The following CD58 variants were observed in gnomAD, a reference collection of about 807,000 sequenced individuals.
The protein encoded by CD58 is lymphocyte function-associated antigen 3.
In CD58, 14 loss-of-function variants were observed where a neutral mutation model predicts 27.6. That is an observed-to-expected ratio of 0.51 (90% CI 0.34 to 0.79). The LOEUF (loss-of-function observed/expected upper bound fraction) is 0.79. Among genes scored for constraint, CD58 ranks in the 30% least tolerant of loss-of-function variants. CD58 has a pLI of 0.02. For missense variants in CD58, 268 were observed against 301.7 expected (o/e 0.89, Z 0.83); for synonymous variants, 117 against 103.8 (o/e 1.13, Z -0.77).
rs1489392283 is a variant in CD58 at position 116,534,572 on chromosome 1, AG to A, written c.628+1392del. Among the ~76,000 whole-genome samples the A allele has an allele frequency of 6.6e-6, 1 of 152,120 alleles. No homozygotes were observed. The highest frequency in any genetic ancestry group is 2.4e-5 in the African/African-American group (1 of 41,442). ...CGCAGAACAAAGCGACTTGACCTTC[AG>A]GGCAGTGGGCGGCAGGGCAGGGGCG... is the stretch of plus-strand genomic sequence containing the variant. On this transcript the variant is annotated intron_variant, in intron 3 of 5. Transcript: ENST00000369489. This position sits in a 1 kb window ranked among gnomAD's most constrained non-coding sequence, Gnocchi z 5.3.
At chr1:116,535,549 T>C (rs1046278425) in intron 3 of CD58, among the ~76,000 whole-genome samples, 1 of 151,298 alleles carries the variant, frequency 6.6e-6, no homozygotes, top group Non-Finnish European at 1.5e-5. Flanking sequence ...TGTTAAAAAT[T>C]GTAACTTGTT....
intron 1 of CD58, among the ~76,000 whole-genome samples, chr1:116,561,743 G>A (rs546149542): frequency 2.0e-5 from 3 of 152,288 alleles, no homozygotes; most frequent in African/African-American, 7.2e-5. Flanking sequence ...GATTCAGAGA[G>A]AATCAAAGTT....
At position 116,523,013 on chromosome 1, in the gene CD58, GA is replaced by G. The variant is rs1444255222; in HGVS notation, c.629-1031del. On this transcript the variant is annotated intron_variant, in intron 3 of 5. Transcript: ENST00000369489. The surrounding 1 kb of genome is among the most constrained non-coding windows in gnomAD (Gnocchi z 4.4). ...TATCTCATAGGGTAGTTGCATTTAA[GA>G]ACAGCTGTTATATACTGTCATTAAC... 6.6e-6 allele frequency among the ~76,000 whole-genome samples: 1 copy of G among 152,084 alleles called. No homozygotes were observed. Among genetic ancestry groups the G allele is most frequent in the Non-Finnish European group, 1.5e-5 (1 of 68,010 alleles).
At chr1:116,543,216 C>G (rs1174534706) in intron 2 of CD58, among the ~76,000 whole-genome samples, 1 of 152,022 alleles carries the variant, frequency 6.6e-6, no homozygotes, top group African/African-American at 2.4e-5. Flanking sequence ...TGAGTGACAA[C>G]AGCACTCAGG....
At chr1:116,545,470 C>T (rs939390218) in intron 1 of CD58, among the ~76,000 whole-genome samples, 12 of 152,040 alleles carry the variant, frequency 7.9e-5, no homozygotes, top group Non-Finnish European at 1.8e-4. Flanking sequence ...GACAGACAAG[C>T]GGACAGACTC....
rs2101177730 is a variant in CD58 at position 116,536,309 on chromosome 1, A to G, written c.365-81T>C. On this transcript the variant is annotated intron_variant, in intron 2 of 5. Transcript: ENST00000369489. This position sits in a 1 kb window ranked among gnomAD's most constrained non-coding sequence, Gnocchi z 5.4. ...TCTGCAAATTTATGAAGAGCTCGCA[A>G]CCTCCTTACAAGCTTGAAAGGATGA... 5.9e-6 allele frequency: 6 copies of G among 1,019,942 alleles called. No homozygotes were observed. In the South Asian group the frequency reaches 1.0e-4, roughly 17 times the overall value. 63.2% of individuals were successfully genotyped at this position (1,019,942 alleles called of 1,614,324 possible).
chr1:116,543,401 C>T (rs551295406), intron 2 of CD58, among the ~76,000 whole-genome samples: 12 of 151,640 alleles, frequency 7.9e-5, no homozygotes, highest in African/African-American at 2.4e-4. Flanking sequence ...ACAGGAGAGG[C>T]GATCAAGGAC....
intron 4 of CD58, among the ~76,000 whole-genome samples, chr1:116,520,507 CT>C (rs55881110): frequency 0.023 from 3,085 of 135,452 alleles, 35 homozygotes; most frequent in Admixed American, 0.065. Context: ...TATTGAATGA[CT>C]TTTTTTTTTT....
Position 116,534,205 on chromosome 1 carries a change from G to T in CD58, c.628+1760C>A. The T allele has an allele frequency of 1.8e-6, 1 of 549,116 alleles. No homozygotes were observed. The highest frequency in any genetic ancestry group is 3.3e-6 in the Non-Finnish European group (1 of 304,780). 34.0% of individuals were successfully genotyped at this position (549,116 alleles called of 1,614,324 possible). Reference sequence around the variant, plus strand: ...CCGCCCATCTGGCTCGCACCGCACAGCTCCCAACAGCTGAGATGCAATGCC... The same window carrying T: ...CCGCCCATCTGGCTCGCACCGCACATCTCCCAACAGCTGAGATGCAATGCC... On this transcript the variant is annotated intron_variant, in intron 3 of 5. Coordinates refer to ENST00000369489, the MANE Select transcript of CD58 (RefSeq NM_001779.3). The surrounding 1 kb of genome is among the most constrained non-coding windows in gnomAD (Gnocchi z 5.3).
chr1:116,544,876 CT>C (rs1347826173), intron 1 of CD58, among the ~76,000 whole-genome samples: 1 of 152,196 alleles, frequency 6.6e-6, no homozygotes, highest in Non-Finnish European at 1.5e-5. Flanking sequence ...CTCCAGGAGC[CT>C]CACGTGTGGA....
intron 3 of CD58, 25 bp downstream of exon 3, chr1:116,535,940 A>C (rs200660937): frequency 6.3e-7 from 1 of 1,577,012 alleles, no homozygotes; most frequent in East Asian, 2.3e-5. Flanking sequence ...GAAAGCCTCC[A>C]TGACACATTT....
intron 1 of CD58, among the ~76,000 whole-genome samples, chr1:116,551,713 C>T (rs948129461): frequency 1.7e-4 from 25 of 148,252 alleles, no homozygotes; most frequent in African/African-American, 5.4e-4. Context: ...TTCAGCCCAT[C>T]GTGGCTTTTT....
intron 3 of CD58, among the ~76,000 whole-genome samples, chr1:116,530,854 C>T (rs1317306960): frequency 6.6e-6 from 1 of 152,094 alleles, no homozygotes; most frequent in Non-Finnish European, 1.5e-5. Flanking sequence ...TCCTGGTTTG[C>T]ATTTTAAAAG....
chr1:116,539,036 G>C lies in CD58; in HGVS notation c.365-2808C>G, dbSNP rs543642661. Among the ~76,000 whole-genome samples the C allele has an allele frequency of 6.6e-5, 10 of 152,276 alleles. No homozygotes were observed. The South Asian group carries it at 2.1e-3, about 32-fold the overall frequency. On this transcript the variant is annotated intron_variant, in intron 2 of 5. Transcript: ENST00000369489. ...AGTTACTTAAATCACCTTGTGTCTA[G>C]GTTTCCTCCTCTCTACAATAAGGAC...
At chr1:116,544,171 T>A (rs1483056931) in intron 2 of CD58, 140 bp downstream of exon 2, 16 of 621,204 alleles carry the variant, frequency 2.6e-5, no homozygotes, top group Non-Finnish European at 4.4e-5. Context: ...AGCTCCTCTA[T>A]ACCAGAAAAG....
At chr1:116,551,160 T>A (rs1658375717) in intron 1 of CD58, among the ~76,000 whole-genome samples, 1 of 152,210 alleles carries the variant, frequency 6.6e-6, no homozygotes, top group Non-Finnish European at 1.5e-5. Context: ...ATCAGCTGCA[T>A]TAGCCCACAC....
Position 116,519,295 on chromosome 1 carries a change from T to C in CD58, c.707-28A>G. ...AAAAATGAAGAAATTGTCTTCTCAA[T>C]TAAAGAACTGAAAAGAAAAGGTGAA... On this transcript the variant is annotated intron_variant, in intron 4 of 5. Transcript: ENST00000369489. The surrounding 1 kb of genome is among the most constrained non-coding windows in gnomAD (Gnocchi z 4.7). 1.2e-6 allele frequency: 2 copies of C among 1,601,248 alleles called. No homozygotes were observed. Among genetic ancestry groups the C allele is most frequent in the South Asian group, 1.1e-5 (1 of 89,780 alleles).
intron 4 of CD58, among the ~76,000 whole-genome samples, chr1:116,520,702 G>A (rs1657238832): frequency 6.6e-6 from 1 of 151,720 alleles, no homozygotes; most frequent in South Asian, 2.1e-4. Context: ...TGCTATTTGG[G>A]GATTAAAATA....
rs1368291423 is a variant in CD58 at position 116,570,143 on chromosome 1, T to G, written c.70+760A>C. ...CTGCTGTACTCCCGGGGTTTTGCTATGGCCTGACTGGGGCCAATGTGTGGA... is the reference window on the plus strand; with the variant it reads ...CTGCTGTACTCCCGGGGTTTTGCTAGGGCCTGACTGGGGCCAATGTGTGGA... On this transcript the variant is annotated intron_variant, in intron 1 of 5. Coordinates refer to ENST00000369489, the MANE Select transcript of CD58 (RefSeq NM_001779.3). This position sits in a 1 kb window ranked among gnomAD's most constrained non-coding sequence, Gnocchi z 6.4. 6.6e-6 allele frequency among the ~76,000 whole-genome samples: 1 copy of G among 152,152 alleles called. No homozygotes were observed. Among genetic ancestry groups the G allele is most frequent in the Non-Finnish European group, 1.5e-5 (1 of 68,014 alleles).
Sources: gnomAD v4.1 joint callset for allele counts (sites outside exome capture counted in the v4.1 genomes callset) on GRCh38, gnomAD v4.1.1 for gene constraint, Gnocchi (gnomAD v3.1) non-coding constraint, MANE v1.5 for transcripts, NCBI Gene and HGNC (gene_info 2026-07-23, HGNC 2026-07-21) for gene names.